RASAL2: variants seen among roughly 807,000 people sequenced by gnomAD.
RASAL2 encodes RAS protein activator like 2, also known as ras GTPase-activating protein nGAP.
Under a neutral mutation model 128.9 loss-of-function variants are expected in RASAL2, and 58 were observed. The ratio of observed to expected loss-of-function variants is 0.45; its 90% CI spans 0.36 to 0.56. The LOEUF (loss-of-function observed/expected upper bound fraction) is 0.56. RASAL2 is among the 20% of genes least tolerant of loss of function. The probability of loss-of-function intolerance (pLI) is 0.00; values close to 1 mark genes in which losing one functional copy is unlikely to be tolerated. For missense variants in RASAL2, 1,360 were observed against 1,601.6 expected (o/e 0.85, Z 2.57); for synonymous variants, 561 against 580.8 (o/e 0.97, Z 0.49).
rs1415413209 is a variant in RASAL2 at position 178,458,268 on chromosome 1, A to G, written c.2976A>G (p.Pro992=). The G allele has an allele frequency of 3.7e-6, 6 of 1,614,154 alleles. No homozygotes were observed. The highest frequency in any genetic ancestry group is 1.7e-5 in the Admixed American group (1 of 60,012). The change falls in exon 14 of 18, where the codon CCA becomes CCG. Residue 992 remains proline (P), a synonymous_variant. Transcript: ENST00000367649. ...SEDFSRRHTV[P]DRHIPLALPR... is the part of the protein sequence containing the mutation. ...ACTTCTCCAGGCGGCACACGGTGCC[A>G]GATAGACACATACCTCTTGCTTTGC...
At chr1:178,135,096 A>G (rs150817542) in intron 1 of RASAL2, among the ~76,000 whole-genome samples, 1 of 152,316 alleles carries the variant, frequency 6.6e-6, no homozygotes, top group East Asian at 1.9e-4. Flanking sequence ...GATAGTTTTG[A>G]TGCACATTTA....
intron 1 of RASAL2, among the ~76,000 whole-genome samples, chr1:178,234,014 A>G (rs992920817): frequency 1.5e-4 from 23 of 152,224 alleles, no homozygotes; most frequent in Non-Finnish European, 8.8e-5. Context: ...AATTAGCACA[A>G]TTTTAAAAAA....
intron 5 of RASAL2, among the ~76,000 whole-genome samples, chr1:178,438,221 T>G (rs1676385761): frequency 6.6e-6 from 1 of 151,858 alleles, no homozygotes; most frequent in South Asian, 2.1e-4. Context: ...AGTGTTAGAA[T>G]AAAGGTAGAA....
intron 3 of RASAL2, among the ~76,000 whole-genome samples, chr1:178,344,521 C>T (rs1297529394): frequency 1.3e-5 from 2 of 152,186 alleles, no homozygotes; most frequent in East Asian, 1.9e-4. Flanking sequence ...GTAGACAACA[C>T]GATTGTGTTT....
chr1:178,100,054 G>C (rs552236717), intron 1 of RASAL2, among the ~76,000 whole-genome samples: 7 of 152,228 alleles, frequency 4.6e-5, no homozygotes, highest in Middle Eastern at 3.4e-3. Flanking sequence ...GTTGCATACA[G>C]TCTTTTGCTT....
intron 1 of RASAL2, among the ~76,000 whole-genome samples, chr1:178,247,742 G>C (rs1226757830): frequency 6.6e-6 from 1 of 152,146 alleles, no homozygotes; most frequent in African/African-American, 2.4e-5. Context: ...TGCCTTAGCT[G>C]TATCCCAGAG....
chr1:178,136,342 T>G (rs947501179), intron 1 of RASAL2, among the ~76,000 whole-genome samples: 2 of 152,222 alleles, frequency 1.3e-5, no homozygotes, highest in Non-Finnish European at 2.9e-5. Flanking sequence ...GACCAGCTGC[T>G]TAATCTTCAT....
Position 178,443,182 on chromosome 1 carries a change from T to C in RASAL2, c.1435T>C (p.Leu479=), listed in dbSNP as rs762600458. The C allele has an allele frequency of 1.4e-5, 22 of 1,613,444 alleles. No individual in the cohort carries two copies. The highest frequency in any genetic ancestry group is 1.3e-4 in the Admixed American group (8 of 59,932). Residue 479 remains leucine (L), a synonymous_variant, in exon 8 of 18, where the codon TTG becomes CTG. Transcript: ENST00000367649. ...AATTAGTGTGAGAAATAAAGAGGAG[T>C]TGGCTTGTGCCTTAGTGCACATTCT... ...PVISVRNKEE[L]ACALVHILQS...
chr1:178,241,532 C>A (rs1664499420), intron 1 of RASAL2, among the ~76,000 whole-genome samples: 1 of 152,172 alleles, frequency 6.6e-6, no homozygotes. Context: ...GTCTGAGAAT[C>A]AAACTTGAAT....
At chr1:178,444,308 G>A (rs932065362) in intron 8 of RASAL2, among the ~76,000 whole-genome samples, 2 of 151,902 alleles carry the variant, frequency 1.3e-5, no homozygotes, top group African/African-American at 4.8e-5. Context: ...TGCACCCATC[G>A]AAACCACCAC....
intron 3 of RASAL2, among the ~76,000 whole-genome samples, chr1:178,383,818 C>T (rs1054293475): frequency 3.9e-4 from 59 of 152,308 alleles, no homozygotes; most frequent in African/African-American, 1.3e-3. Context: ...GAGCCACCAA[C>T]ATACCACATC....
At chr1:178,431,018 G>A (rs1343737605) in intron 5 of RASAL2, among the ~76,000 whole-genome samples, 1 of 151,122 alleles carries the variant, frequency 6.6e-6, no homozygotes, top group Non-Finnish European at 1.5e-5. Context: ...CTGCAATTTG[G>A]AAAAATACAA....
intron 3 of RASAL2, among the ~76,000 whole-genome samples, chr1:178,355,897 G>A (rs140731289): frequency 1.5e-3 from 221 of 152,262 alleles, no homozygotes; most frequent in African/African-American, 5.1e-3. Context: ...GGGGCCAGGC[G>A]CGGTGGCTCA....
chr1:178,266,892 C>T (rs1665980981), intron 1 of RASAL2, among the ~76,000 whole-genome samples: 1 of 152,132 alleles, frequency 6.6e-6, no homozygotes, highest in South Asian at 2.1e-4. Context: ...GCCATGTTGC[C>T]AGGCACATGT....
intron 1 of RASAL2, among the ~76,000 whole-genome samples, chr1:178,275,779 C>T (rs1222445623): frequency 6.6e-6 from 1 of 152,190 alleles, no homozygotes; most frequent in Non-Finnish European, 1.5e-5. Context: ...AGAGAAGTAT[C>T]ACATGTTATC....
At chr1:178,119,751 A>G (rs1300842512) in intron 1 of RASAL2, among the ~76,000 whole-genome samples, 2 of 152,216 alleles carry the variant, frequency 1.3e-5, no homozygotes, top group Non-Finnish European at 2.9e-5. Context: ...CTTGTTGTCA[A>G]CATCGGTAGA....
At chr1:178,253,149 T>TC (rs1185177554) in intron 1 of RASAL2, among the ~76,000 whole-genome samples, 1 of 152,148 alleles carries the variant, frequency 6.6e-6, no homozygotes, top group African/African-American at 2.4e-5. Flanking sequence ...TTGCTGACAG[T>TC]CTTTGGTGTT....
At position 178,473,180 on chromosome 1, in the gene RASAL2, A is replaced by G; in HGVS notation, c.3784A>G (p.Thr1262Ala). The change falls in exon 18 of 18, where the codon ACC (threonine) becomes GCC (alanine). Residue 1262 changes from threonine to alanine, a missense_variant. Coordinates refer to ENST00000367649, the MANE Select transcript of RASAL2 (RefSeq NM_170692.4). ...SMQVRNGISP[T>A]NPTKLSITEN... Reference sequence around the variant, plus strand: ...GCAGGTCCGCAATGGCATCTCCCCCACCAACCCCACCAAGCTTTCCATCAC... The same window carrying G: ...GCAGGTCCGCAATGGCATCTCCCCCGCCAACCCCACCAAGCTTTCCATCAC... The G allele has an allele frequency of 1.2e-6, 2 of 1,614,168 alleles. No individual in the cohort carries two copies. Among genetic ancestry groups the G allele is most frequent in the Non-Finnish European group, 1.7e-6 (2 of 1,180,024 alleles).
intron 3 of RASAL2, among the ~76,000 whole-genome samples, chr1:178,381,963 T>A (rs936226571): frequency 6.6e-6 from 1 of 152,210 alleles, no homozygotes; most frequent in African/African-American, 2.4e-5. Flanking sequence ...CTGAAGTTAA[T>A]ACATTATAAA....
Sources: allele counts gnomAD v4.1 joint callset (sites outside exome capture counted in the v4.1 genomes callset), GRCh38; gene constraint gnomAD v4.1.1; transcripts MANE v1.5; gene names NCBI Gene and HGNC (gene_info 2026-07-23, HGNC 2026-07-21).